FAM25A: variants seen among roughly 807,000 people sequenced by gnomAD.
FAM25A encodes the protein protein FAM25A.
In FAM25A, 5 loss-of-function variants were observed where a neutral mutation model predicts 6.6. The observed-to-expected ratio is 0.75, with a 90% confidence interval of 0.39 to 1.59. FAM25A has a LOEUF of 1.59. FAM25A is among the 40% of genes most tolerant of loss of function. The pLI is 0.02. For synonymous variants in FAM25A, 36 were observed against 41.3 expected (o/e 0.87, Z 0.49); for missense variants, 93 against 109.7 (o/e 0.85, Z 0.68).
chr10:87,020,341 G>A lies in FAM25A; in HGVS notation c.17G>A (p.Gly6Glu). 1.9e-6 allele frequency: 3 copies of A among 1,549,530 alleles called. No individual in the cohort carries two copies. Among genetic ancestry groups the A allele is most frequent in the Non-Finnish European group, 2.6e-6 (3 of 1,146,826 alleles). The change falls in exon 1 of 3, where the codon GGG becomes GAG. Residue 6 changes from glycine to glutamate, a missense_variant. By Grantham distance (98) the Gly-to-Glu change is moderately conservative. Coordinates refer to ENST00000343959, the MANE Select transcript of FAM25A (RefSeq NM_001146157.3). Reference protein sequence around the residue: MLGGLGKLAAEGLAHR... With the variant: MLGGLEKLAAEGLAHR... ...TGCCACACGATGCTGGGAGGCCTGGGGAAGCTGGCTGCCGAAGGCCTGGCC... is the reference window on the plus strand; with the variant it reads ...TGCCACACGATGCTGGGAGGCCTGGAGAAGCTGGCTGCCGAAGGCCTGGCC...
rs760717854 is a variant in FAM25A at position 87,024,637 on chromosome 10, C to T, written c.233C>T (p.Thr78Ile). The T allele has an allele frequency of 1.3e-6, 2 of 1,535,774 alleles. No homozygotes were observed. The highest frequency in any genetic ancestry group is 1.2e-5 in the South Asian group (1 of 83,970). Residue 78 changes from threonine to isoleucine, a missense_variant, in exon 3 of 3, where the codon ACC becomes ATC. By Grantham distance (89) the Thr-to-Ile change is moderately conservative. Coordinates refer to ENST00000343959, the MANE Select transcript of FAM25A (RefSeq NM_001146157.3). Reference sequence around the variant, plus strand: ...ACCAACACAGTCACAAATGCCATCACCCATGCAGCAGAGAGTCTGGACAAA... The same window carrying T: ...ACCAACACAGTCACAAATGCCATCATCCATGCAGCAGAGAGTCTGGACAAA... Reference protein sequence around the residue: ...TVTNTVTNAITHAAESLDKLG... With the variant: ...TVTNTVTNAIIHAAESLDKLG...
At chr10:87,020,861 CTGGCACCCAGGCTGGAGTGTAG>C (rs1410949179) in intron 1 of FAM25A, among the ~76,000 whole-genome samples, 14 of 152,172 alleles carry the variant, frequency 9.2e-5, no homozygotes, top group Non-Finnish European at 1.9e-4. Flanking sequence ...GAGTCTTGCT[CTGGCACCCAGGCTGGAGTGTAG>C]TGGTGCGATC....
At chr10:87,022,889 T>C (rs1845342893) in intron 2 of FAM25A, among the ~76,000 whole-genome samples, 1 of 143,244 alleles carries the variant, frequency 7.0e-6, no homozygotes. Flanking sequence ...ATCATGCCAC[T>C]GCACTCCAGC....
chr10:87,023,006 G>A (rs1209051396), intron 2 of FAM25A, among the ~76,000 whole-genome samples: 1 of 151,638 alleles, frequency 6.6e-6, no homozygotes, highest in Non-Finnish European at 1.5e-5. Context: ...GCCTGAGGTG[G>A]GCGGATCACG....
chr10:87,021,129 C>T (rs917511483), intron 1 of FAM25A, among the ~76,000 whole-genome samples: 6 of 152,132 alleles, frequency 3.9e-5, no homozygotes, highest in African/African-American at 1.2e-4. Flanking sequence ...CACCTGGTCC[C>T]GAAGTGTATG....
chr10:87,023,616 G>A (rs1229554810), intron 2 of FAM25A, among the ~76,000 whole-genome samples: 1 of 152,182 alleles, frequency 6.6e-6, no homozygotes, highest in African/African-American at 2.4e-5. Flanking sequence ...AGCTACTTAG[G>A]AGTCTGAGGC....
chr10:87,022,856 G>A lies in FAM25A; in HGVS notation c.136+480G>A, dbSNP rs546089445. On this transcript the variant is annotated intron_variant, in intron 2 of 2. Coordinates refer to ENST00000343959, the MANE Select transcript of FAM25A (RefSeq NM_001146157.3). ...GCAGGAGAATGGTGTGTACCTGGGAGGCAGAGCTTGCAGTGAGCCTAGATC... is the reference window on the plus strand; with the variant it reads ...GCAGGAGAATGGTGTGTACCTGGGAAGCAGAGCTTGCAGTGAGCCTAGATC... Among the ~76,000 whole-genome samples the A allele has an allele frequency of 7.3e-5, 11 of 151,232 alleles. No individual in the cohort carries two copies. The East Asian group carries it at 2.2e-3, about 30-fold the overall frequency.
intron 1 of FAM25A, among the ~76,000 whole-genome samples, chr10:87,020,961 G>A (rs1216125242): frequency 6.6e-6 from 1 of 152,142 alleles, no homozygotes; most frequent in Non-Finnish European, 1.5e-5. Context: ...CTGAGTGTCT[G>A]GGATTACAGG....
At chr10:87,022,784 G>A (rs1274014695) in intron 2 of FAM25A, among the ~76,000 whole-genome samples, 4 of 151,716 alleles carry the variant, frequency 2.6e-5, no homozygotes, top group African/African-American at 4.9e-5. Context: ...AAAATTAGCC[G>A]GGCATGGTGG....
intron 1 of FAM25A, among the ~76,000 whole-genome samples, chr10:87,022,067 G>A (rs372610882): frequency 2.2e-4 from 33 of 152,306 alleles, no homozygotes; most frequent in African/African-American, 4.8e-4. Context: ...AGGCCCTGGC[G>A]TCTCCGAAGG....
At chr10:87,022,108 G>A (rs982685190) in intron 1 of FAM25A, among the ~76,000 whole-genome samples, 3 of 152,162 alleles carry the variant, frequency 2.0e-5, no homozygotes, top group Admixed American at 6.6e-5. Context: ...TCCTTCTCAT[G>A]AGCCAGTCTG....
chr10:87,022,048 C>T (rs1486060953), intron 1 of FAM25A, among the ~76,000 whole-genome samples: 6 of 152,162 alleles, frequency 3.9e-5, no homozygotes, highest in South Asian at 2.1e-4. Context: ...GCTCGTCTCC[C>T]GGCAGCCAAG....
At position 87,024,488 on chromosome 10, in the gene FAM25A, C is replaced by T; in HGVS notation, c.137-53C>T. ...ACATCCCACAGGCCACTCAAGGGGA[C>T]ACAAGTTCAGCGGGTGGATCACTAG... On this transcript the variant is annotated intron_variant, in intron 2 of 2. Transcript: ENST00000343959. 10 of 1,535,786 alleles carry T rather than the reference C, an allele frequency of 6.5e-6. No homozygotes were observed. In the South Asian group the frequency reaches 1.2e-4, roughly 18 times the overall value.
At position 87,022,911 on chromosome 10, in the gene FAM25A, A is replaced by T. The variant is rs1484449004; in HGVS notation, c.136+535A>T. Among the ~76,000 whole-genome samples the T allele has an allele frequency of 2.1e-3, 238 of 112,888 alleles. No homozygotes were observed. The Middle Eastern group carries it at 0.023, about 11-fold the overall frequency. 74.1% of individuals were successfully genotyped at this position (112,888 alleles called of 152,430 possible). Reference sequence around the variant, plus strand: ...CACTGCACTCCAGCCTGGGCTACAGAGTGAGACTCGGTCTCAAAAAAAAAA... The same window carrying T: ...CACTGCACTCCAGCCTGGGCTACAGTGTGAGACTCGGTCTCAAAAAAAAAA... On this transcript the variant is annotated intron_variant, in intron 2 of 2. Coordinates refer to ENST00000343959, the MANE Select transcript of FAM25A (RefSeq NM_001146157.3).
At chr10:87,023,427 TA>T (rs1287823587) in intron 2 of FAM25A, among the ~76,000 whole-genome samples, 1 of 151,658 alleles carries the variant, frequency 6.6e-6, no homozygotes, top group Admixed American at 6.6e-5. Context: ...GCTGCTATTA[TA>T]AAATACCATA....
At chr10:87,021,805 G>A (rs929868986) in intron 1 of FAM25A, among the ~76,000 whole-genome samples, 1 of 152,238 alleles carries the variant, frequency 6.6e-6, no homozygotes, top group Non-Finnish European at 1.5e-5. Context: ...TCTGAAGTAG[G>A]CAGAGAATTC....
chr10:87,022,709 G>A (rs558972471), intron 2 of FAM25A, among the ~76,000 whole-genome samples: 6 of 152,178 alleles, frequency 3.9e-5, no homozygotes, highest in Admixed American at 3.3e-4. Flanking sequence ...GGTGGATCAC[G>A]AGGTCAGGAG....
At chr10:87,022,459 C>T (rs1225644562) in intron 2 of FAM25A, 83 bp downstream of exon 2, 3 of 1,472,188 alleles carry the variant, frequency 2.0e-6, no homozygotes, top group Admixed American at 3.9e-5. Flanking sequence ...TTTGACTAAC[C>T]AGGTCAAACT....
At chr10:87,021,241 C>T (rs1176530541) in intron 1 of FAM25A, among the ~76,000 whole-genome samples, 1 of 152,242 alleles carries the variant, frequency 6.6e-6, no homozygotes, top group Non-Finnish European at 1.5e-5. Context: ...TGTCCTCTTT[C>T]TAAATGGCAG....
Sources: allele counts gnomAD v4.1 joint callset (sites outside exome capture counted in the v4.1 genomes callset), GRCh38; gene constraint gnomAD v4.1.1; transcripts MANE v1.5; gene names NCBI Gene and HGNC (gene_info 2026-07-23, HGNC 2026-07-21).